Variants in ANKFN1 observed in about 807,000 individuals in gnomAD.
The protein encoded by ANKFN1 is ankyrin repeat and fibronectin type III domain containing 1.
Under a neutral mutation model 108.7 loss-of-function variants are expected in ANKFN1, and 74 were observed. That is an observed-to-expected ratio of 0.68 (90% CI 0.56 to 0.83). ANKFN1 has a LOEUF of 0.83. Ranked by LOEUF, ANKFN1 falls within the 40% of genes least tolerant of loss-of-function variation. The pLI is 0.00. For synonymous variants in ANKFN1, 547 were observed against 516.2 expected (o/e 1.06, Z -0.81); for missense variants, 1,505 against 1,382.3 (o/e 1.09, Z -1.41).
chr17:56,433,472 A>G (rs959968241), intron 8 of ANKFN1, among the ~76,000 whole-genome samples: 4 of 152,166 alleles, frequency 2.6e-5, no homozygotes, highest in Admixed American at 2.6e-4. Flanking sequence ...ATATGTATAT[A>G]TATATGATGG....
chr17:56,456,577 T>C (rs966549704), intron 11 of ANKFN1, among the ~76,000 whole-genome samples: 2 of 151,918 alleles, frequency 1.3e-5, no homozygotes, highest in African/African-American at 4.8e-5. Flanking sequence ...TTTGTATTTT[T>C]AGTAGAGACA....
At chr17:56,335,470 T>C (rs940739842) in intron 4 of ANKFN1, among the ~76,000 whole-genome samples, 10 of 152,178 alleles carry the variant, frequency 6.6e-5, no homozygotes, top group Non-Finnish European at 1.3e-4. Context: ...TATTTTATTC[T>C]CTTTGTAGCA....
chr17:56,210,134 C>T (rs1914875254), intron 1 of ANKFN1, among the ~76,000 whole-genome samples: 1 of 151,836 alleles, frequency 6.6e-6, no homozygotes, highest in Non-Finnish European at 1.5e-5. Context: ...TTTCTTTATC[C>T]ACTTGTTGAC....
intron 4 of ANKFN1, among the ~76,000 whole-genome samples, chr17:56,070,546 T>G (rs1191482580): frequency 2.6e-5 from 4 of 152,158 alleles, no homozygotes; most frequent in Non-Finnish European, 4.4e-5. Flanking sequence ...AAGGTCACAT[T>G]CATGAGTACT....
intron 8 of ANKFN1, among the ~76,000 whole-genome samples, chr17:56,391,856 C>A (rs1489924789): frequency 6.6e-6 from 1 of 152,138 alleles, no homozygotes; most frequent in Admixed American, 6.6e-5. Flanking sequence ...ATGTTTTGTT[C>A]ATTCCTGTAT....
chr17:56,477,782 C>A, intron 16 of ANKFN1, 128 bp downstream of exon 16: 1 of 946,680 alleles, frequency 1.1e-6, no homozygotes, highest in Non-Finnish European at 1.6e-6. Flanking sequence ...CCTCAGATGC[C>A]ACACTGAAGT....
chr17:56,263,345 A>C (rs189890388), intron 3 of ANKFN1, among the ~76,000 whole-genome samples: 1 of 152,346 alleles, frequency 6.6e-6, no homozygotes, highest in Admixed American at 6.5e-5. Context: ...GGGACTAGAG[A>C]GTGGTGGTCT....
intron 8 of ANKFN1, among the ~76,000 whole-genome samples, chr17:56,401,241 T>C (rs2047752340): frequency 6.6e-6 from 1 of 152,192 alleles, no homozygotes; most frequent in African/African-American, 2.4e-5. Context: ...TTTTCATTTG[T>C]TTGTGTCATC....
At chr17:56,309,795 C>A (rs1277375136) in intron 3 of ANKFN1, among the ~76,000 whole-genome samples, 2 of 152,176 alleles carry the variant, frequency 1.3e-5, no homozygotes, top group Admixed American at 6.5e-5. Context: ...AAATAGAATA[C>A]TTATAACAAT....
chr17:56,492,303 G>C lies in ANKFN1; in HGVS notation c.2377G>C (p.Glu793Gln). 1 of 702,562 alleles carries C rather than the reference G, an allele frequency of 1.4e-6. No individual in the cohort carries two copies. Among genetic ancestry groups the C allele is most frequent in the Non-Finnish European group, 2.6e-6 (1 of 384,732 alleles). The allele number at this position is 702,562 out of a possible 1,614,324, so 43.5% of individuals were successfully genotyped here. A position where few individuals can be genotyped will look rare whatever the true frequency, so the allele number is the denominator to read the frequency against. ...QSLREAISDS[E>Q]VAAAKQRHQQ... is the part of the protein sequence containing the mutation. Reference sequence around the variant, plus strand: ...CCTCAGGGAAGCAATCTCAGACAGCGAGGTTGCAGCTGCCAAACAAAGACA... The same window carrying C: ...CCTCAGGGAAGCAATCTCAGACAGCCAGGTTGCAGCTGCCAAACAAAGACA... The change falls in exon 19 of 21, where the codon GAG becomes CAG. Residue 793 changes from glutamate (E) to glutamine (Q), a missense_variant. By Grantham distance (29) the Glu-to-Gln change is conservative (BLOSUM62 2). Transcript: ENST00000682825.
At chr17:56,163,420 A>G (rs551562897) in intron 1 of ANKFN1, among the ~76,000 whole-genome samples, 3 of 152,342 alleles carry the variant, frequency 2.0e-5, no homozygotes, top group African/African-American at 7.2e-5. Context: ...CGGTGCAGAA[A>G]GCCCTGGCTG....
chr17:56,238,717 T>A (rs1276662699), intron 3 of ANKFN1, among the ~76,000 whole-genome samples: 1 of 152,026 alleles, frequency 6.6e-6, no homozygotes, highest in East Asian at 1.9e-4. Flanking sequence ...ATACCATGAG[T>A]CCCTTGTATT....
chr17:56,318,590 T>C (rs2144493335), intron 3 of ANKFN1, among the ~76,000 whole-genome samples: 1 of 152,272 alleles, frequency 6.6e-6, no homozygotes, highest in Middle Eastern at 3.4e-3. Context: ...AGTTAGGCTG[T>C]GCTGAGAGTT....
At chr17:56,155,861 G>C (rs996734351) in intron 1 of ANKFN1, among the ~76,000 whole-genome samples, 1 of 152,142 alleles carries the variant, frequency 6.6e-6, no homozygotes, top group Admixed American at 6.5e-5. Context: ...AATGCGCAGA[G>C]GATAGTGTTC....
At chr17:56,260,955 T>C (rs1018578587) in intron 3 of ANKFN1, among the ~76,000 whole-genome samples, 3 of 152,244 alleles carry the variant, frequency 2.0e-5, no homozygotes, top group Non-Finnish European at 4.4e-5. Context: ...TACAGTAGAC[T>C]GTTCAGCCAT....
upstream of ANKFN1, among the ~76,000 whole-genome samples, chr17:56,149,749 G>A (rs2143432891): frequency 6.6e-6 from 1 of 152,330 alleles, no homozygotes; most frequent in East Asian, 1.9e-4. Flanking sequence ...AGAAAAACCT[G>A]TGCTGAGCCA....
At chr17:56,158,912 TA>T (rs2143486982) in intron 1 of ANKFN1, among the ~76,000 whole-genome samples, 1 of 151,320 alleles carries the variant, frequency 6.6e-6, no homozygotes, top group African/African-American at 2.4e-5. Context: ...CCATCAGAAG[TA>T]AACTAATATA....
chr17:56,358,998 A>C (rs2046444959), intron 6 of ANKFN1, among the ~76,000 whole-genome samples: 1 of 152,204 alleles, frequency 6.6e-6, no homozygotes, highest in Non-Finnish European at 1.5e-5. Flanking sequence ...ATGGCCATTA[A>C]GACCCCATAG....
chr17:56,081,094 C>G (rs989358491), intron 4 of ANKFN1, among the ~76,000 whole-genome samples: 11 of 152,158 alleles, frequency 7.2e-5, no homozygotes, highest in African/African-American at 2.2e-4. Context: ...TATCTTGTTA[C>G]TAGTGGTGAA....
Sources: gnomAD v4.1 joint callset for allele counts (sites outside exome capture counted in the v4.1 genomes callset) on GRCh38, gnomAD v4.1.1 for gene constraint, MANE v1.5 for transcripts, NCBI Gene and HGNC (gene_info 2026-07-23, HGNC 2026-07-21) for gene names.